Variants in PTPRR observed in about 807,000 individuals in gnomAD.
The protein encoded by PTPRR is receptor-type tyrosine-protein phosphatase R.
In PTPRR, 38 loss-of-function variants were observed where a neutral mutation model predicts 77.2. The ratio of observed to expected loss-of-function variants is 0.49; its 90% CI spans 0.38 to 0.65. The LOEUF (loss-of-function observed/expected upper bound fraction) is 0.65, where lower values mean the gene tolerates loss of function less well. PTPRR is among the 30% of genes least tolerant of loss of function. PTPRR has a pLI of 0.00. For missense variants in PTPRR, 744 were observed against 799.2 expected (o/e 0.93, Z 0.83); for synonymous variants, 299 against 283.1 (o/e 1.06, Z -0.57).
At chr12:70,897,515 G>T (rs1369630352) in intron 1 of PTPRR, among the ~76,000 whole-genome samples, 1 of 151,832 alleles carries the variant, frequency 6.6e-6, no homozygotes, top group Non-Finnish European at 1.5e-5. Flanking sequence ...ACAGGTGCTG[G>T]AGAGGATGTG....
intron 1 of PTPRR, among the ~76,000 whole-genome samples, chr12:70,905,227 G>A (rs916921114): frequency 6.6e-6 from 1 of 151,718 alleles, no homozygotes; most frequent in Non-Finnish European, 1.5e-5. Flanking sequence ...ATCTTTTGAT[G>A]GTGTCTATAT....
chr12:70,733,482 G>GGAAAAAAAAAAAAAA (rs1889756906), intron 6 of PTPRR, among the ~76,000 whole-genome samples: 2 of 92,300 alleles, frequency 2.2e-5, no homozygotes, highest in African/African-American at 5.9e-5. Flanking sequence ...AAAAAAAAAA[G>GGAAAAAAAAAAAAAA]AAAAAAAAAG....
At chr12:70,742,236 G>A (rs184791446) in intron 6 of PTPRR, among the ~76,000 whole-genome samples, 3 of 152,192 alleles carry the variant, frequency 2.0e-5, no homozygotes, top group Non-Finnish European at 2.9e-5. Flanking sequence ...TAGGTTAGAT[G>A]AATCAGAAAA....
chr12:70,818,388 T>C (rs10879200), intron 2 of PTPRR, among the ~76,000 whole-genome samples: 24,308 of 152,130 alleles, frequency 0.16, 2,607 homozygotes, highest in African/African-American at 0.3. Context: ...ATAACATCAA[T>C]GTAAAACATT....
intron 2 of PTPRR, among the ~76,000 whole-genome samples, chr12:70,864,460 A>G (rs1046145807): frequency 2.4e-4 from 37 of 152,202 alleles, no homozygotes; most frequent in African/African-American, 8.9e-4. Flanking sequence ...GCAGGCACTC[A>G]CAATGAATTT....
chr12:70,695,471 G>A (rs1039851180), intron 8 of PTPRR, among the ~76,000 whole-genome samples: 1 of 152,138 alleles, frequency 6.6e-6, no homozygotes, highest in Non-Finnish European at 1.5e-5. Flanking sequence ...ATTTTCAACA[G>A]AAAATCCATC....
intron 2 of PTPRR, among the ~76,000 whole-genome samples, chr12:70,888,881 TGA>T (rs1354875424): frequency 1.3e-5 from 2 of 152,168 alleles, no homozygotes; most frequent in East Asian, 3.9e-4. Context: ...TCACAAAATT[TGA>T]GACTTTTCAG....
intron 2 of PTPRR, among the ~76,000 whole-genome samples, chr12:70,808,012 A>T (rs1201073123): frequency 6.6e-6 from 1 of 152,166 alleles, no homozygotes; most frequent in African/African-American, 2.4e-5. Flanking sequence ...GGGTAAGAGA[A>T]GTATTGCTGA....
At chr12:70,832,755 A>T (rs995052798) in intron 2 of PTPRR, among the ~76,000 whole-genome samples, 89 of 152,142 alleles carry the variant, frequency 5.8e-4, no homozygotes, top group Admixed American at 3.8e-3. Context: ...TGGGTAATTT[A>T]TAAAGAAAAG....
intron 2 of PTPRR, among the ~76,000 whole-genome samples, chr12:70,888,702 T>C (rs1038463154): frequency 1.3e-5 from 2 of 152,244 alleles, no homozygotes; most frequent in East Asian, 1.9e-4. Flanking sequence ...TCAAAAAATT[T>C]CCCAAAGCCT....
intron 2 of PTPRR, among the ~76,000 whole-genome samples, chr12:70,772,075 T>C (rs1465447542): frequency 1.3e-5 from 2 of 152,204 alleles, no homozygotes; most frequent in East Asian, 3.9e-4. Flanking sequence ...GCATGATTAC[T>C]ACACTGAAAC....
chr12:70,684,724 T>C lies in PTPRR; in HGVS notation c.1339A>G (p.Ile447Val). 4 of 1,601,912 alleles carry C rather than the reference T, an allele frequency of 2.5e-6. No individual in the cohort carries two copies. Among genetic ancestry groups the C allele is most frequent in the Non-Finnish European group, 3.4e-6 (4 of 1,170,748 alleles). Residue 447 changes from isoleucine to valine, a missense_variant, in exon 9 of 14, where the codon ATT becomes GTT. This residue lies in a region of PTPRR where 570 missense variants were observed against 573.2 expected (regional missense o/e 0.99). Transcript: ENST00000283228. ...CTTACCCTAATATAATTAGCATTAA[T>C]GTAGGTGCTCAATGAATCGGTTACA... ...KNVTDSLSTY[I>V]NANYIRGYSG...
At chr12:70,909,567 T>G (rs1450684750) in intron 1 of PTPRR, among the ~76,000 whole-genome samples, 1 of 152,212 alleles carries the variant, frequency 6.6e-6, no homozygotes, top group East Asian at 1.9e-4. Context: ...AAAACTTCTT[T>G]GAGTCTCCAC....
chr12:70,828,957 G>A (rs1307640111), intron 2 of PTPRR, among the ~76,000 whole-genome samples: 1 of 152,162 alleles, frequency 6.6e-6, no homozygotes, highest in African/African-American at 2.4e-5. Flanking sequence ...CAGGCAAGGT[G>A]CCGGGGATAC....
Position 70,835,959 on chromosome 12 carries a change from C to T in PTPRR, c.357+56720G>A, listed in dbSNP as rs888482053. 2.0e-5 allele frequency among the ~76,000 whole-genome samples: 3 copies of T among 152,206 alleles called. No individual in the cohort carries two copies. The South Asian group carries it at 6.2e-4, about 32-fold the overall frequency. On this transcript the variant is annotated intron_variant, in intron 2 of 13. Coordinates refer to ENST00000283228, the MANE Select transcript of PTPRR (RefSeq NM_002849.4). ...CATTCTGGTTCATAAAGTCATACTT[C>T]TGTTAACAAGCTCTCCCTCATACTT...
chr12:70,830,582 A>G (rs987385898), intron 2 of PTPRR, among the ~76,000 whole-genome samples: 1 of 152,222 alleles, frequency 6.6e-6, no homozygotes, highest in Admixed American at 6.5e-5. Flanking sequence ...GAACAATAGT[A>G]CAATCTAGCA....
chr12:70,720,443 T>C (rs955316898), intron 6 of PTPRR, among the ~76,000 whole-genome samples: 3 of 152,080 alleles, frequency 2.0e-5, no homozygotes, highest in Non-Finnish European at 4.4e-5. Flanking sequence ...GGTATAGGCA[T>C]AGACTTACCA....
intron 10 of PTPRR, among the ~76,000 whole-genome samples, chr12:70,682,979 A>G (rs898834817): frequency 6.6e-6 from 1 of 152,092 alleles, no homozygotes; most frequent in Non-Finnish European, 1.5e-5. Context: ...TGAGTATATA[A>G]CCTTATCTAC....
intron 2 of PTPRR, among the ~76,000 whole-genome samples, chr12:70,851,614 A>G (rs1407302506): frequency 6.6e-6 from 1 of 152,236 alleles, no homozygotes; most frequent in Non-Finnish European, 1.5e-5. Context: ...AGAAGTTAAC[A>G]TGTATAAGGC....
Sources: gnomAD v4.1 joint callset for allele counts (sites outside exome capture counted in the v4.1 genomes callset) on GRCh38, gnomAD v4.1.1 for gene constraint, gnomAD v4.1.1 regional missense constraint, MANE v1.5 for transcripts, NCBI Gene and HGNC (gene_info 2026-07-23, HGNC 2026-07-21) for gene names.